The following PARVB variants were observed in gnomAD, a reference collection of about 807,000 sequenced individuals.
PARVB encodes the protein beta-parvin.
PARVB carries 46 observed loss-of-function variants against 47.0 expected under a neutral mutation model. That is an observed-to-expected ratio of 0.98 (90% CI 0.77 to 1.25). PARVB has a LOEUF of 1.25. Among genes scored for constraint, PARVB ranks in the 50% most tolerant of loss-of-function variants. The probability of loss-of-function intolerance (pLI) is 0.00; values close to 1 mark genes in which losing one functional copy is unlikely to be tolerated. For missense variants in PARVB, 473 were observed against 471.6 expected (o/e 1.00, Z -0.03); for synonymous variants, 196 against 196.3 (o/e 1.00, Z 0.01).
chr22:44,131,946 T>C (rs2053336428), intron 5 of PARVB, among the ~76,000 whole-genome samples: 1 of 152,202 alleles, frequency 6.6e-6, no homozygotes, highest in South Asian at 2.1e-4. Flanking sequence ...GGGGTTCTTG[T>C]TGGGACTCAA....
At chr22:44,050,158 A>G (rs73438650) in intron 1 of PARVB, among the ~76,000 whole-genome samples, 8,825 of 152,132 alleles carry the variant, frequency 0.058, 889 homozygotes, top group African/African-American at 0.2. Flanking sequence ...TCCTGCTGCC[A>G]CTGCCTTTAC....
intron 3 of PARVB, among the ~76,000 whole-genome samples, chr22:44,118,313 C>T (rs1447777199): frequency 6.6e-6 from 1 of 152,234 alleles, no homozygotes; most frequent in South Asian, 2.1e-4. Flanking sequence ...AAAGGGCAGA[C>T]ATCATCGGCT....
At chr22:44,078,461 G>A (rs2051825546) in intron 1 of PARVB, among the ~76,000 whole-genome samples, 1 of 152,180 alleles carries the variant, frequency 6.6e-6, no homozygotes, top group Non-Finnish European at 1.5e-5. Flanking sequence ...GCAGGCATGG[G>A]GGAAGTGGTA....
At chr22:44,164,031 T>C (rs1327001938) in intron 12 of PARVB, 101 bp downstream of exon 12, 1 of 819,860 alleles carries the variant, frequency 1.2e-6, no homozygotes, top group Middle Eastern at 2.3e-4. Flanking sequence ...GTTCCCCAGA[T>C]GGGCCCCACG....
chr22:44,061,455 ACAAAACAAAC>A (rs1283641971), intron 1 of PARVB, among the ~76,000 whole-genome samples: 5 of 151,814 alleles, frequency 3.3e-5, no homozygotes, highest in African/African-American at 9.7e-5. Flanking sequence ...ACAAAACAAA[ACAAAACAAAC>A]CAAAACAGTG....
At chr22:44,109,002 G>A (rs1476484549) in intron 3 of PARVB, 1 of 152,202 alleles carries the variant, frequency 6.6e-6, no homozygotes, top group Non-Finnish European at 1.5e-5. Context: ...ATCTGGGGGT[G>A]CGTCTCCCCC....
intron 1 of PARVB, among the ~76,000 whole-genome samples, chr22:44,084,487 C>G (rs756501695): frequency 3.9e-5 from 6 of 152,200 alleles, no homozygotes; most frequent in African/African-American, 7.2e-5. Context: ...GCCAAGGTGG[C>G]CATCCTGGTG....
intron 11 of PARVB, among the ~76,000 whole-genome samples, chr22:44,163,206 A>C (rs1475951004): frequency 6.6e-6 from 1 of 152,210 alleles, no homozygotes; most frequent in African/African-American, 2.4e-5. Context: ...GCAGCGGCTC[A>C]CGCCTGTAAT....
intron 3 of PARVB, chr22:44,108,880 C>G (rs570726897): frequency 5.3e-5 from 8 of 152,148 alleles, no homozygotes; most frequent in African/African-American, 1.4e-4. Context: ...ACAGGGGATG[C>G]GATGGCCTGG....
chr22:44,118,727 T>C (rs970553742), intron 3 of PARVB, among the ~76,000 whole-genome samples: 1 of 152,102 alleles, frequency 6.6e-6, no homozygotes, highest in Non-Finnish European at 1.5e-5. Flanking sequence ...CGCAGAGCTG[T>C]GTAGCCTCTG....
At chr22:44,023,559 AAATAAAAT>A (rs1235890715), upstream of PARVB, among the ~76,000 whole-genome samples, 12 of 139,156 alleles carry the variant, frequency 8.6e-5, no homozygotes, top group African/African-American at 3.4e-4. Context: ...AAATAAAATA[AAATAAAAT>A]AAAATAAAAT....
intron 6 of PARVB, among the ~76,000 whole-genome samples, chr22:44,134,540 T>C (rs2267614): frequency 0.6 from 90,579 of 152,054 alleles, 27,158 homozygotes; most frequent in East Asian, 0.72. Context: ...TGGTGCTTCC[T>C]GCCATAACGG....
rs369273308 is a variant in PARVB, at chr22:44,119,046, C to T, written c.282C>T (p.Leu94=). 19 of 1,613,462 alleles carry T rather than the reference C, an allele frequency of 1.2e-5. No homozygotes were observed. The highest frequency in any genetic ancestry group is 4.5e-5 in the East Asian group (2 of 44,884). Reference sequence around the variant, plus strand: ...GCCTGCGTCTCCTGCAGGTCCTCCTCGACTGGATTAATGACGTGCTGGTGG... The same window carrying T: ...GCCTGCGTCTCCTGCAGGTCCTCCTTGACTGGATTAATGACGTGCTGGTGG... ...PKFKELVKVL[L]DWINDVLVEE... is the part of the protein sequence containing the mutation. The change falls in exon 4 of 13, where the codon CTC becomes CTT. Residue 94 remains leucine (L), a synonymous_variant. Transcript: ENST00000338758.
At chr22:44,040,737 C>A (rs577137140) in intron 1 of PARVB, among the ~76,000 whole-genome samples, 2 of 152,168 alleles carry the variant, frequency 1.3e-5, no homozygotes, top group Non-Finnish European at 1.5e-5. Flanking sequence ...GTATGGAGGC[C>A]GGGCGCGGTG....
chr22:44,146,501 A>G (rs1456378934), intron 8 of PARVB: 1 of 152,252 alleles, frequency 6.6e-6, no homozygotes, highest in Admixed American at 6.5e-5. Context: ...CACCACCTCC[A>G]CAAGGCCACG....
intron 1 of PARVB, among the ~76,000 whole-genome samples, chr22:44,057,323 T>C (rs1273960353): frequency 6.6e-6 from 1 of 152,178 alleles, no homozygotes; most frequent in Non-Finnish European, 1.5e-5. Context: ...AGTCGAGTCA[T>C]ATATAATGGG....
chr22:44,114,873 C>T (rs1436400338), intron 3 of PARVB: 1 of 132,756 alleles, frequency 7.5e-6, no homozygotes. Context: ...TAGCTAAGGC[C>T]CTGCACCAAC....
At position 44,158,004 on chromosome 22, in the gene PARVB, T is replaced by C. The variant is rs1209251477; in HGVS notation, c.866T>C (p.Val289Ala). 1 of 1,613,772 alleles carries C rather than the reference T, an allele frequency of 6.2e-7. No homozygotes were observed. The highest frequency in any genetic ancestry group is 8.5e-7 in the Non-Finnish European group (1 of 1,179,746). Residue 289 changes from valine (V) to alanine (A), a missense_variant, in exon 11 of 13, where the codon GTT becomes GCT. Transcript: ENST00000338758. The part of the protein sequence containing the change: ...ETQFADGVYL[V>A]LLMGLLEDYF... ...CAGTTTGCAGATGGCGTGTACCTGG[T>C]TCTGCTCATGGGCCTTCTGGAAGAC... is the stretch of plus-strand genomic sequence containing the variant.
intron 10 of PARVB, among the ~76,000 whole-genome samples, chr22:44,156,279 CTTT>C (rs71188434): frequency 2.4e-5 from 3 of 126,388 alleles, no homozygotes; most frequent in Non-Finnish European, 3.3e-5. Context: ...GACTTTTCAT[CTTT>C]TTTTTTTTTT....
Sources: gnomAD v4.1 joint callset for allele counts (sites outside exome capture counted in the v4.1 genomes callset) on GRCh38, gnomAD v4.1.1 for gene constraint, MANE v1.5 for transcripts, NCBI Gene and HGNC (gene_info 2026-07-23, HGNC 2026-07-21) for gene names.